The following PPM1L variants were observed in gnomAD, a reference collection of about 807,000 sequenced individuals.
PPM1L encodes protein phosphatase, Mg2+/Mn2+ dependent 1L.
A neutral mutation model predicts 31.4 loss-of-function variants in PPM1L; 13 were observed. The observed-to-expected ratio is 0.41, with a 90% CI of 0.27 to 0.66. The LOEUF (loss-of-function observed/expected upper bound fraction) is 0.66. Among genes scored for constraint, PPM1L ranks in the 30% least tolerant of loss-of-function variants. PPM1L has a pLI of 0.29. For missense variants in PPM1L, 326 were observed against 453.7 expected (o/e 0.72, Z 2.56); for synonymous variants, 184 against 175.4 (o/e 1.05, Z -0.39).
intron 1 of PPM1L, among the ~76,000 whole-genome samples, chr3:160,904,232 T>C (rs544971419): frequency 6.6e-6 from 1 of 152,348 alleles, no homozygotes; most frequent in East Asian, 1.9e-4. Context: ...GCGATTTTAC[T>C]CTAGATAATA....
At chr3:160,915,343 A>G (rs1263549664) in intron 1 of PPM1L, among the ~76,000 whole-genome samples, 2 of 152,172 alleles carry the variant, frequency 1.3e-5, no homozygotes, top group Non-Finnish European at 1.5e-5. Flanking sequence ...TAGGAATCCA[A>G]CTTACAAGGG....
At chr3:160,761,930 A>G (rs1243820918) in intron 1 of PPM1L, among the ~76,000 whole-genome samples, 1 of 152,154 alleles carries the variant, frequency 6.6e-6, no homozygotes, top group Non-Finnish European at 1.5e-5. Flanking sequence ...GACCTGCCCC[A>G]ATGTTTCAAA....
chr3:160,862,095 AG>A (rs1012559241), intron 1 of PPM1L, among the ~76,000 whole-genome samples: 4 of 152,054 alleles, frequency 2.6e-5, no homozygotes, highest in Admixed American at 6.6e-5. Flanking sequence ...GACATATTTG[AG>A]GGGGGGCCAT....
At chr3:161,005,750 A>G (rs977041369) in intron 2 of PPM1L, among the ~76,000 whole-genome samples, 4 of 152,234 alleles carry the variant, frequency 2.6e-5, no homozygotes, top group South Asian at 2.1e-4. Context: ...AAGGTTAGCT[A>G]TTATTCTTTA....
chr3:161,012,012 T>C (rs189696711), intron 2 of PPM1L, among the ~76,000 whole-genome samples: 1,821 of 152,150 alleles, frequency 0.012, 41 homozygotes, highest in African/African-American at 0.042. Flanking sequence ...CCTTTATTTC[T>C]TTCTCCTGCC....
At chr3:160,981,820 T>C (rs1013962110) in intron 2 of PPM1L, among the ~76,000 whole-genome samples, 1 of 151,990 alleles carries the variant, frequency 6.6e-6, no homozygotes, top group African/African-American at 2.4e-5. Context: ...TGGAGTACAA[T>C]GGCAGGATCT....
At chr3:160,848,576 C>A (rs1220441685) in intron 1 of PPM1L, among the ~76,000 whole-genome samples, 3 of 152,172 alleles carry the variant, frequency 2.0e-5, no homozygotes, top group Admixed American at 2.0e-4. Flanking sequence ...GTTCTATCTT[C>A]CACTCTTGTC....
chr3:160,946,508 C>G (rs1023754832), intron 1 of PPM1L, among the ~76,000 whole-genome samples: 2 of 152,052 alleles, frequency 1.3e-5, no homozygotes, highest in Admixed American at 6.6e-5. Context: ...GTGGAAAAAC[C>G]CCTGAAGATG....
intron 1 of PPM1L, among the ~76,000 whole-genome samples, chr3:160,905,542 CT>C (rs1713727500): frequency 6.6e-6 from 1 of 152,092 alleles, no homozygotes; most frequent in Non-Finnish European, 1.5e-5. Flanking sequence ...CTAGGACTAT[CT>C]TTGTTTAATA....
intron 1 of PPM1L, among the ~76,000 whole-genome samples, chr3:160,765,654 T>C (rs1450922768): frequency 6.6e-6 from 1 of 152,212 alleles, no homozygotes; most frequent in Non-Finnish European, 1.5e-5. Flanking sequence ...TGTTGGCTCA[T>C]GAAAGGCTTT....
rs148265629 is a variant in PPM1L at position 160,788,874 on chromosome 3, T to C, written c.399+32167T>C. On this transcript the variant is annotated intron_variant, in intron 1 of 3. Transcript: ENST00000498165. ...TATTTCTGGACTTTTTTCTATTTTA[T>C]TACTTTTCATGAAGCCAGTGTAAAC... Among the ~76,000 whole-genome samples, 632 of 152,104 alleles carry C rather than the reference T, an allele frequency of 4.2e-3. 2 individuals are homozygous for C. Among genetic ancestry groups the C allele is most frequent in the African/African-American group, 0.014 (602 of 41,570 alleles).
intron 1 of PPM1L, among the ~76,000 whole-genome samples, chr3:160,890,657 C>A (rs764131577): frequency 2.0e-5 from 3 of 152,028 alleles, no homozygotes; most frequent in Admixed American, 1.3e-4. Context: ...CAAAGAAGAC[C>A]CCATATAGCC....
At chr3:160,980,234 T>G (rs1433802390) in intron 2 of PPM1L, among the ~76,000 whole-genome samples, 3 of 152,262 alleles carry the variant, frequency 2.0e-5, no homozygotes, top group East Asian at 3.9e-4. Context: ...GATGCTTTAC[T>G]TGGCCTTTTA....
intron 1 of PPM1L, among the ~76,000 whole-genome samples, chr3:160,804,563 G>A (rs1026734623): frequency 1.3e-5 from 2 of 152,132 alleles, no homozygotes; most frequent in African/African-American, 4.8e-5. Flanking sequence ...CATTTATTTT[G>A]TTTGAGAATT....
At chr3:161,047,697 C>T (rs944434001) in intron 2 of PPM1L, among the ~76,000 whole-genome samples, 1 of 152,162 alleles carries the variant, frequency 6.6e-6, no homozygotes, top group Non-Finnish European at 1.5e-5. Context: ...TACTACAAGG[C>T]TATAGTAACC....
chr3:160,844,309 C>A (rs1334760230), intron 1 of PPM1L, among the ~76,000 whole-genome samples: 1 of 152,072 alleles, frequency 6.6e-6, no homozygotes, highest in Non-Finnish European at 1.5e-5. Flanking sequence ...TTTCTGAGAC[C>A]CGCTGAGATA....
At chr3:161,068,785 C>T (rs1359780003) in intron 3 of PPM1L, 26 bp from the exon 4 acceptor site, 1 of 1,574,348 alleles carries the variant, frequency 6.4e-7, no homozygotes, top group South Asian at 1.2e-5. Flanking sequence ...GCTGGTCAAA[C>T]TAATGGGCTC....
At chr3:160,848,239 T>C (rs1714142848) in intron 1 of PPM1L, among the ~76,000 whole-genome samples, 1 of 152,220 alleles carries the variant, frequency 6.6e-6, no homozygotes. Flanking sequence ...GTTGTTGTTT[T>C]GTATTTTAGA....
At chr3:160,824,161 A>G (rs1713288078) in intron 1 of PPM1L, among the ~76,000 whole-genome samples, 1 of 152,040 alleles carries the variant, frequency 6.6e-6, no homozygotes, top group African/African-American at 2.4e-5. Context: ...ACTGTCATGA[A>G]TGGGATTAGT....
Sources: allele counts gnomAD v4.1 joint callset (sites outside exome capture counted in the v4.1 genomes callset), GRCh38; gene constraint gnomAD v4.1.1; transcripts MANE v1.5; gene names NCBI Gene and HGNC (gene_info 2026-07-23, HGNC 2026-07-21).